The following SORCS1 variants were observed in gnomAD, a reference collection of about 807,000 sequenced individuals.
The protein encoded by SORCS1 is sortilin related VPS10 domain containing receptor 1, also known as VPS10 domain-containing receptor SorCS1.
Under a neutral mutation model 146.1 loss-of-function variants are expected in SORCS1, and 60 were observed. The ratio of observed to expected loss-of-function variants is 0.41; its 90% CI spans 0.33 to 0.51. The LOEUF (loss-of-function observed/expected upper bound fraction) is 0.51, where lower values mean the gene tolerates loss of function less well. Ranked by LOEUF, SORCS1 falls within the 20% of genes least tolerant of loss-of-function variation. The probability of loss-of-function intolerance (pLI) is 0.21; values close to 1 mark genes in which losing one functional copy is unlikely to be tolerated. For synonymous variants in SORCS1, 637 were observed against 584.0 expected (o/e 1.09, Z -1.31); for missense variants, 1,352 against 1,487.6 (o/e 0.91, Z 1.50).
chr10:106,827,375 T>C (rs1374601107), intron 3 of SORCS1, among the ~76,000 whole-genome samples: 1 of 152,122 alleles, frequency 6.6e-6, no homozygotes, highest in Non-Finnish European at 1.5e-5. Context: ...TAGGTGGAAG[T>C]AGATTCAAGG....
At chr10:106,776,055 A>G (rs1860409851) in intron 4 of SORCS1, among the ~76,000 whole-genome samples, 1 of 152,226 alleles carries the variant, frequency 6.6e-6, no homozygotes, top group Non-Finnish European at 1.5e-5. Context: ...TAGGTTCTGC[A>G]TAAGGTTACC....
At chr10:107,177,867 GAA>G in the SORCS1 span, among the ~76,000 whole-genome samples, 1,208 of 152,296 alleles carry the variant, frequency 7.9e-3, 14 homozygotes, top group African/African-American at 0.028. Flanking sequence ...GGATGGAGCT[GAA>G]AGCCATTATT....
chr10:106,912,692 G>GT (rs776032520), intron 2 of SORCS1, among the ~76,000 whole-genome samples: 3 of 152,010 alleles, frequency 2.0e-5, no homozygotes, highest in Non-Finnish European at 4.4e-5. Flanking sequence ...GTTTTGTTTT[G>GT]TTTTTTAATG....
chr10:106,764,574 C>A (rs1859402870), intron 4 of SORCS1, among the ~76,000 whole-genome samples: 1 of 152,178 alleles, frequency 6.6e-6, no homozygotes. Context: ...TGAGAACTAT[C>A]ATTACTATCT....
intron 1 of SORCS1, among the ~76,000 whole-genome samples, chr10:107,015,148 G>A (rs77217774): frequency 6.6e-6 from 1 of 152,298 alleles, no homozygotes; most frequent in Non-Finnish European, 1.5e-5. Flanking sequence ...ATTCCATGAA[G>A]GAAATCATTC....
At chr10:106,729,683 G>A (rs78163291) in intron 6 of SORCS1, among the ~76,000 whole-genome samples, 2,460 of 152,066 alleles carry the variant, frequency 0.016, 72 homozygotes, top group African/African-American at 0.057. Flanking sequence ...ATCAAAATAT[G>A]CATATTTCTG....
intron 2 of SORCS1, among the ~76,000 whole-genome samples, chr10:106,921,035 C>G (rs1202934599): frequency 6.6e-6 from 1 of 152,194 alleles, no homozygotes; most frequent in Non-Finnish European, 1.5e-5. Context: ...AAGAACATCT[C>G]TAGCTCATCG....
chr10:106,950,517 G>A (rs930490384), intron 2 of SORCS1, among the ~76,000 whole-genome samples: 3 of 152,086 alleles, frequency 2.0e-5, no homozygotes, highest in Non-Finnish European at 4.4e-5. Context: ...GTATTTTTCA[G>A]GAGTAAGGCA....
At chr10:106,773,852 G>A (rs1860217951) in intron 4 of SORCS1, among the ~76,000 whole-genome samples, 1 of 152,260 alleles carries the variant, frequency 6.6e-6, no homozygotes, top group South Asian at 2.1e-4. Flanking sequence ...GGGAGGCTGA[G>A]GCAGGAGAAT....
chr10:106,746,168 T>C (rs1361154866), intron 5 of SORCS1, among the ~76,000 whole-genome samples: 3 of 152,152 alleles, frequency 2.0e-5, no homozygotes, highest in African/African-American at 7.2e-5. Flanking sequence ...AAGCGGGGGA[T>C]ATTAGTAGAA....
At chr10:107,079,836 C>T (rs1355119215) in intron 1 of SORCS1, among the ~76,000 whole-genome samples, 1 of 152,116 alleles carries the variant, frequency 6.6e-6, no homozygotes, top group Non-Finnish European at 1.5e-5. Flanking sequence ...ATTTACTGGC[C>T]AATAATTAAG....
intron 5 of SORCS1, among the ~76,000 whole-genome samples, chr10:106,735,349 A>T (rs2756238): frequency 3.0e-4 from 46 of 151,722 alleles, no homozygotes; most frequent in East Asian, 2.3e-3. Flanking sequence ...AATAAGAATG[A>T]GGGCTACATA....
intron 17 of SORCS1, chr10:106,667,373 G>T: frequency 4.1e-6 from 1 of 246,052 alleles, no homozygotes; most frequent in Non-Finnish European, 7.9e-6. Flanking sequence ...ATACAATGAC[G>T]GTAAAAGGTA....
intron 25 of SORCS1, chr10:106,578,107 T>C (rs1844675004): frequency 6.6e-6 from 1 of 152,604 alleles, no homozygotes; most frequent in Admixed American, 6.5e-5. Flanking sequence ...TGAATGGTTA[T>C]ATAATAATTT....
chr10:107,172,015 T>C, the SORCS1 span, among the ~76,000 whole-genome samples: 4 of 152,212 alleles, frequency 2.6e-5, no homozygotes, highest in Non-Finnish European at 5.9e-5. Context: ...GTTCATTTTC[T>C]AAAAGGAGCT....
intron 1 of SORCS1, among the ~76,000 whole-genome samples, chr10:107,069,572 C>T (rs1313505068): frequency 6.6e-6 from 1 of 152,060 alleles, no homozygotes; most frequent in African/African-American, 2.4e-5. Context: ...GATGGGGTTT[C>T]ACCATGTTGG....
intron 6 of SORCS1, among the ~76,000 whole-genome samples, chr10:106,711,467 T>G (rs1160178856): frequency 2.6e-5 from 4 of 152,158 alleles, no homozygotes; most frequent in African/African-American, 9.7e-5. Context: ...CACCTTTACT[T>G]AAGGAACTTA....
At chr10:106,585,797 A>G (rs1395959154) in intron 24 of SORCS1, among the ~76,000 whole-genome samples, 1 of 152,178 alleles carries the variant, frequency 6.6e-6, no homozygotes, top group African/African-American at 2.4e-5. Flanking sequence ...GAATCCTACC[A>G]CTGCCATGTG....
chr10:106,947,203 C>A (rs372264212), intron 2 of SORCS1, among the ~76,000 whole-genome samples: 1 of 152,128 alleles, frequency 6.6e-6, no homozygotes, highest in Admixed American at 6.5e-5. Context: ...ATTGCTTGCA[C>A]GTGTATGATT....
Sources: allele counts gnomAD v4.1 joint callset (sites outside exome capture counted in the v4.1 genomes callset), GRCh38; gene constraint gnomAD v4.1.1; transcripts MANE v1.5; gene names NCBI Gene and HGNC (gene_info 2026-07-23, HGNC 2026-07-21).